Variants in SSU72 observed in about 807,000 individuals in gnomAD.
SSU72 encodes the protein SSU72 homolog, RNA polymerase II CTD phosphatase, also known as RNA polymerase II subunit A C-terminal domain phosphatase SSU72.
A neutral mutation model predicts 22.7 loss-of-function variants in SSU72; 12 were observed. That is an observed-to-expected ratio of 0.53 (90% CI 0.34 to 0.86). The LOEUF is 0.86. SSU72 is among the 40% of genes least tolerant of loss of function. SSU72 has a pLI of 0.02. For synonymous variants in SSU72, 116 were observed against 98.3 expected (o/e 1.18, Z -1.06); for missense variants, 151 against 249.8 (o/e 0.60, Z 2.67).
rs1022292042 is a variant in SSU72 at position 1,545,067 on chromosome 1, T to G, written c.225-65A>C. On this transcript the variant is annotated intron_variant, in intron 2 of 4. Coordinates refer to ENST00000291386, the MANE Select transcript of SSU72 (RefSeq NM_014188.3). ...TGTGTATGAAGCCTGGAAGCGCCTG[T>G]GTCCTGGACACCCAGCCCCTTCCCT... 2.6e-6 allele frequency: 4 copies of G among 1,563,562 alleles called. No individual in the cohort carries two copies. The African/African-American group carries it at 5.4e-5, about 21-fold the overall frequency.
At chr1:1,559,017 G>GA (rs1419488272) in intron 2 of SSU72, among the ~76,000 whole-genome samples, 3 of 151,954 alleles carry the variant, frequency 2.0e-5, no homozygotes, top group East Asian at 1.9e-4. Flanking sequence ...AGTGTAAAAT[G>GA]AAAAAAAATA....
At chr1:1,557,556 G>A (rs1185431762) in intron 2 of SSU72, among the ~76,000 whole-genome samples, 3 of 152,168 alleles carry the variant, frequency 2.0e-5, no homozygotes, top group Non-Finnish European at 2.9e-5. Context: ...AACTTTGGAA[G>A]GCCAAAACAG....
intron 2 of SSU72, chr1:1,564,005 T>TA (rs1321874714): frequency 1.3e-5 from 2 of 153,188 alleles, no homozygotes; most frequent in African/African-American, 2.4e-5. Context: ...ATTTGACACC[T>TA]ATTCTCTTTT....
chr1:1,570,756 G>A (rs1331089578), intron 1 of SSU72, among the ~76,000 whole-genome samples: 1 of 152,250 alleles, frequency 6.6e-6, no homozygotes, highest in Non-Finnish European at 1.5e-5. Context: ...AACACATGGA[G>A]ACAGACGGAC....
intron 2 of SSU72, among the ~76,000 whole-genome samples, chr1:1,549,308 T>C (rs139280663): frequency 5.3e-4 from 79 of 149,836 alleles, no homozygotes; most frequent in African/African-American, 1.8e-3. Flanking sequence ...GATCACAAGA[T>C]CAGGAAATCG....
chr1:1,556,919 C>G (rs1429476878), intron 2 of SSU72, among the ~76,000 whole-genome samples: 1 of 152,268 alleles, frequency 6.6e-6, no homozygotes, highest in South Asian at 2.1e-4. Flanking sequence ...AGCCAGTCAG[C>G]TCCGTTCTAC....
At position 1,542,237 on chromosome 1, in the gene SSU72, G is replaced by A. The variant is rs759604476; in HGVS notation, c.484-70C>T. 1.2e-5 allele frequency: 17 copies of A among 1,451,722 alleles called. No homozygotes were observed. Among genetic ancestry groups the A allele is most frequent in the South Asian group, 2.4e-5 (2 of 81,742 alleles). 89.9% of individuals were successfully genotyped at this position (1,451,722 alleles called of 1,614,324 possible). A position where few individuals can be genotyped will look rare whatever the true frequency, so the allele number is the denominator to read the frequency against. On this transcript the variant is annotated intron_variant, in intron 4 of 4. Transcript: ENST00000291386. The surrounding 1 kb of genome is among the most constrained non-coding windows in gnomAD (Gnocchi z 4.4). ...GTCTGCTCCCCCTAACACCTGGATC[G>A]CCAGGGAAACGCCAGGCCTGAGCCA... is the stretch of plus-strand genomic sequence containing the variant.
intron 1 of SSU72, among the ~76,000 whole-genome samples, chr1:1,567,516 TA>T (rs1158232957): frequency 6.6e-6 from 1 of 152,114 alleles, no homozygotes; most frequent in Non-Finnish European, 1.5e-5. Flanking sequence ...AACATGAGGT[TA>T]AAGCAATAAA....
At chr1:1,568,476 C>G (rs762305428) in intron 1 of SSU72, among the ~76,000 whole-genome samples, 11 of 149,084 alleles carry the variant, frequency 7.4e-5, no homozygotes, top group Admixed American at 5.3e-4. Context: ...TGGTGGTGCG[C>G]GCCTGTAATC....
chr1:1,565,515 G>A (rs1009674785), intron 1 of SSU72, among the ~76,000 whole-genome samples: 1 of 152,182 alleles, frequency 6.6e-6, no homozygotes, highest in Non-Finnish European at 1.5e-5. Flanking sequence ...ATCGACCAAC[G>A]TCCTGGCTTT....
At chr1:1,571,669 C>T (rs1053862638) in intron 1 of SSU72, among the ~76,000 whole-genome samples, 3 of 152,182 alleles carry the variant, frequency 2.0e-5, no homozygotes, top group Admixed American at 6.5e-5. Context: ...CTGCCAGCAA[C>T]GGCCACTGGC....
At chr1:1,559,034 C>T (rs1468974014) in intron 2 of SSU72, among the ~76,000 whole-genome samples, 1 of 152,228 alleles carries the variant, frequency 6.6e-6, no homozygotes, top group Non-Finnish European at 1.5e-5. Flanking sequence ...AATAGAGAAG[C>T]CTCTGCACGT....
intron 2 of SSU72, chr1:1,564,400 A>C: frequency 7.3e-7 from 1 of 1,364,766 alleles, no homozygotes; most frequent in Non-Finnish European, 9.7e-7. Context: ...GCACGCACAC[A>C]CGCACGCACA....
chr1:1,556,735 C>T (rs1391381547), intron 2 of SSU72, among the ~76,000 whole-genome samples: 2 of 152,198 alleles, frequency 1.3e-5, no homozygotes, highest in African/African-American at 4.8e-5. Context: ...CCACCATGGC[C>T]TTGCGACTGC....
chr1:1,566,333 T>C, intron 1 of SSU72, among the ~76,000 whole-genome samples: 1 of 152,198 alleles, frequency 6.6e-6, no homozygotes, highest in East Asian at 1.9e-4. Context: ...CTGATACTTA[T>C]AATTACCTAA....
At chr1:1,568,998 C>T (rs1470220430) in intron 1 of SSU72, among the ~76,000 whole-genome samples, 2 of 152,072 alleles carry the variant, frequency 1.3e-5, no homozygotes, top group African/African-American at 4.8e-5. Flanking sequence ...ATGGTGAAAC[C>T]CCGTCTCTAC....
rs540964613 is a variant in SSU72 at position 1,572,881 on chromosome 1, G to C, written c.80+1597C>G. ...CAATTAACAATAATTTTGTCTTGGG[G>C]GGGGGGGGGTGAGCCTTGCATTGTT... On this transcript the variant is annotated intron_variant, in intron 1 of 4. Transcript: ENST00000291386. Among the ~76,000 whole-genome samples the C allele has an allele frequency of 1.0e-3, 146 of 144,254 alleles. 4 individuals carry two copies. The highest frequency in any genetic ancestry group is 1.0e-3 in the Non-Finnish European group (68 of 66,612). The allele number at this position is 144,254 out of a possible 152,430, so 94.6% of individuals were successfully genotyped here.
intron 2 of SSU72, among the ~76,000 whole-genome samples, chr1:1,552,884 G>C (rs1041281187): frequency 1.1e-4 from 16 of 152,020 alleles, no homozygotes; most frequent in Admixed American, 4.6e-4. Context: ...AGCCAGAAAT[G>C]GTAGCTAATG....
At chr1:1,549,530 A>G (rs540843152) in intron 2 of SSU72, among the ~76,000 whole-genome samples, 1 of 151,518 alleles carries the variant, frequency 6.6e-6, no homozygotes, top group African/African-American at 2.4e-5. Context: ...AAAAAAAAAA[A>G]GAAAGAAAAA....
Sources: gnomAD v4.1 joint callset for allele counts (sites outside exome capture counted in the v4.1 genomes callset) on GRCh38, gnomAD v4.1.1 for gene constraint, Gnocchi (gnomAD v3.1) non-coding constraint, MANE v1.5 for transcripts, NCBI Gene and HGNC (gene_info 2026-07-23, HGNC 2026-07-21) for gene names.